The following FKBP5 variants were observed in gnomAD, a reference collection of about 807,000 sequenced individuals.
FKBP5 encodes FKBP prolyl isomerase 5.
FKBP5 carries 23 observed loss-of-function variants against 50.5 expected under a neutral mutation model. The observed-to-expected ratio is 0.46, with a 90% CI of 0.33 to 0.65. The LOEUF is 0.65. FKBP5 is among the 30% of genes least tolerant of loss of function. The pLI is 0.02. For synonymous variants in FKBP5, 176 were observed against 190.6 expected, an observed-to-expected ratio of 0.92 and a Z score of 0.63; for missense variants, 411 against 553.1, an observed-to-expected ratio of 0.74 and a Z score of 2.58.
chr6:35,608,158 T>G (rs948186694), intron 5 of FKBP5, among the ~76,000 whole-genome samples: 5 of 152,006 alleles, frequency 3.3e-5, no homozygotes, highest in African/African-American at 4.8e-5. Flanking sequence ...CACTTATAAG[T>G]AGGAGCTAAA....
chr6:35,666,618 C>T (rs189117266), intron 1 of FKBP5, among the ~76,000 whole-genome samples: 100 of 152,132 alleles, frequency 6.6e-4, no homozygotes, highest in African/African-American at 2.2e-3. Context: ...AGGCTGGGCA[C>T]GGTGGCTCAC....
chr6:35,589,141 T>C lies in FKBP5; in HGVS notation c.756+1989A>G, dbSNP rs569442445. Among the ~76,000 whole-genome samples the C allele has an allele frequency of 1.1e-3, 151 of 142,568 alleles. 1 individual carries two copies. The South Asian group carries it at 0.012, about 11-fold the overall frequency. 93.5% of individuals were successfully genotyped at this position (142,568 alleles called of 152,430 possible). A position where few individuals can be genotyped will look rare whatever the true frequency, so the allele number is the denominator to read the frequency against. On this transcript the variant is annotated intron_variant, in intron 7 of 10. Coordinates refer to ENST00000357266, the MANE Select transcript of FKBP5 (RefSeq NM_004117.4). ...ATATATATATATATTTTTTTTTTTT[T>C]CCTCTGAGACGGAGTCTTGCTCTGT... is the stretch of plus-strand genomic sequence containing the variant.
At chr6:35,603,648 T>C in intron 5 of FKBP5, among the ~76,000 whole-genome samples, 1 of 152,164 alleles carries the variant, frequency 6.6e-6, no homozygotes, top group East Asian at 1.9e-4. Context: ...ATTTTTTTTT[T>C]TTTTGTAACA....
chr6:35,666,502 T>C (rs1425079732), intron 1 of FKBP5, among the ~76,000 whole-genome samples: 1 of 148,482 alleles, frequency 6.7e-6, no homozygotes, highest in Non-Finnish European at 1.5e-5. Context: ...AAGACACAGT[T>C]ACAAACGAAT....
At chr6:35,615,155 TACACACACAC>T (rs34301531) in intron 5 of FKBP5, among the ~76,000 whole-genome samples, 2 of 143,444 alleles carry the variant, frequency 1.4e-5, no homozygotes, top group Non-Finnish European at 3.0e-5. Context: ...CAACAACAAC[TACACACACAC>T]ACACACACAC....
At chr6:35,690,489 G>A (rs1051928809), upstream of FKBP5, among the ~76,000 whole-genome samples, 4 of 151,344 alleles carry the variant, frequency 2.6e-5, no homozygotes, top group African/African-American at 9.7e-5. Flanking sequence ...GGGTGATGAT[G>A]TCTGCAGAAA....
Position 35,609,069 on chromosome 6 carries a change from G to A in FKBP5, c.508+10027C>T, listed in dbSNP as rs145658404. Among the ~76,000 whole-genome samples, 1,108 of 152,266 alleles carry A rather than the reference G, an allele frequency of 7.3e-3. 11 individuals are homozygous for A. The highest frequency in any genetic ancestry group is 0.023 in the African/African-American group (955 of 41,540). ...CCCAAAGTGTAGGGATTACAGGTGT[G>A]GGCCACTGTGCCCAGGCCAGACTGT... On this transcript the variant is annotated intron_variant, in intron 5 of 10. Coordinates refer to ENST00000357266, the MANE Select transcript of FKBP5 (RefSeq NM_004117.4).
chr6:35,578,974 G>GGT (rs10626273), intron 9 of FKBP5, among the ~76,000 whole-genome samples: 32,933 of 151,554 alleles, frequency 0.22, 4,300 homozygotes, highest in Middle Eastern at 0.31. Flanking sequence ...AAATTAGCAG[G>GGT]GTGTGGTGGC....
At chr6:35,658,590 GTTAAACTT>G (rs1561881513) in intron 1 of FKBP5, among the ~76,000 whole-genome samples, 1 of 152,136 alleles carries the variant, frequency 6.6e-6, no homozygotes, top group Non-Finnish European at 1.5e-5. Flanking sequence ...AGCAAGGCAT[GTTAAACTT>G]TGTTAAATGT....
rs1414071764 is a variant in FKBP5 at position 35,573,859 on chromosome 6, C to G, written c.*1976G>C. ...ACCACTCACACACCCTTCCCCTCCC[C>G]ACACACACTTTTGCCAGTTCCCCCT... On this transcript the variant is annotated 3_prime_UTR_variant, in exon 11 of 11. Coordinates refer to ENST00000357266, the MANE Select transcript of FKBP5 (RefSeq NM_004117.4). 6.6e-6 allele frequency: 1 copy of G among 152,186 alleles called. No homozygotes were observed. Among genetic ancestry groups the G allele is most frequent in the Non-Finnish European group, 1.5e-5 (1 of 68,044 alleles). 9.4% of individuals were successfully genotyped at this position (152,186 alleles called of 1,614,324 possible). A position where few individuals can be genotyped will look rare whatever the true frequency, so the allele number is the denominator to read the frequency against.
intron 2 of FKBP5, among the ~76,000 whole-genome samples, chr6:35,638,507 C>T (rs1764384440): frequency 6.6e-6 from 1 of 152,120 alleles, no homozygotes; most frequent in Admixed American, 6.5e-5. Flanking sequence ...TAGCCTCTAT[C>T]ACTCAGCTCA....
chr6:35,701,278 C>G (rs1242785029), intron 2 of FKBP5, among the ~76,000 whole-genome samples: 1 of 146,782 alleles, frequency 6.8e-6, no homozygotes, highest in African/African-American at 2.5e-5. Flanking sequence ...GAGTCTCGCT[C>G]TGTCGCCCAG....
chr6:35,704,908 G>A (rs1169031316), intron 2 of FKBP5, among the ~76,000 whole-genome samples: 9 of 151,920 alleles, frequency 5.9e-5, no homozygotes, highest in African/African-American at 1.4e-4. Flanking sequence ...TTGGGAGGCC[G>A]AGGCGGGCGG....
At chr6:35,609,200 C>T (rs1763419918) in intron 5 of FKBP5, among the ~76,000 whole-genome samples, 1 of 151,848 alleles carries the variant, frequency 6.6e-6, no homozygotes, top group Non-Finnish European at 1.5e-5. Flanking sequence ...GCTACTGTTT[C>T]TTATGCCTTG....
intron 5 of FKBP5, among the ~76,000 whole-genome samples, chr6:35,611,667 C>T (rs930433144): frequency 6.6e-6 from 1 of 152,082 alleles, no homozygotes; most frequent in African/African-American, 2.4e-5. Flanking sequence ...TACCTTAGAA[C>T]ACAGTAACTT....
chr6:35,725,291 G>A (rs1222976220), intron 1 of FKBP5, among the ~76,000 whole-genome samples: 1 of 152,192 alleles, frequency 6.6e-6, no homozygotes, highest in Non-Finnish European at 1.5e-5. Flanking sequence ...TGACTGACAA[G>A]GAAGGATCTG....
intron 5 of FKBP5, among the ~76,000 whole-genome samples, chr6:35,601,084 T>C (rs547809716): frequency 6.6e-6 from 1 of 152,368 alleles, no homozygotes; most frequent in African/African-American, 2.4e-5. Flanking sequence ...TGTCTGATGC[T>C]GTAATAGGAC....
intron 8 of FKBP5, chr6:35,582,484 C>T: frequency 2.7e-6 from 1 of 374,720 alleles, no homozygotes; most frequent in Non-Finnish European, 3.7e-6. Context: ...TCTGCCCTCT[C>T]TCCACTCACA....
intron 5 of FKBP5, among the ~76,000 whole-genome samples, chr6:35,610,679 A>T (rs1763465561): frequency 6.6e-6 from 1 of 150,928 alleles, no homozygotes; most frequent in African/African-American, 2.4e-5. Flanking sequence ...TTTATTTTTA[A>T]ATTTATTTTA....
Sources: gnomAD v4.1 joint callset for allele counts (sites outside exome capture counted in the v4.1 genomes callset) on GRCh38, gnomAD v4.1.1 for gene constraint, MANE v1.5 for transcripts, NCBI Gene and HGNC (gene_info 2026-07-23, HGNC 2026-07-21) for gene names.